SLC10A7: variants seen among roughly 807,000 people sequenced by gnomAD.
SLC10A7 encodes the protein sodium/bile acid cotransporter 7.
Under a neutral mutation model 43.2 loss-of-function variants are expected in SLC10A7, and 29 were observed. The observed-to-expected ratio is 0.67, with a 90% CI of 0.50 to 0.92. The LOEUF (loss-of-function observed/expected upper bound fraction) is 0.92. Ranked by LOEUF, SLC10A7 falls within the 40% of genes least tolerant of loss-of-function variation. The probability of loss-of-function intolerance (pLI) is 0.00; values close to 1 mark genes in which losing one functional copy is unlikely to be tolerated. For missense variants in SLC10A7, 295 were observed against 403.2 expected (o/e 0.73, Z 2.30); for synonymous variants, 152 against 144.8 (o/e 1.05, Z -0.35).
chr4:146,446,642 T>C (rs1484612608), intron 4 of SLC10A7, among the ~76,000 whole-genome samples: 1 of 150,900 alleles, frequency 6.6e-6, no homozygotes, highest in Non-Finnish European at 1.5e-5. Context: ...TCATCTAAGA[T>C]AGGAATCTAA....
intron 10 of SLC10A7, among the ~76,000 whole-genome samples, chr4:146,262,682 C>A (rs1728303957): frequency 6.6e-6 from 1 of 152,178 alleles, no homozygotes; most frequent in Non-Finnish European, 1.5e-5. Flanking sequence ...GTGATTTGAC[C>A]TAACCCTGCA....
intron 5 of SLC10A7, among the ~76,000 whole-genome samples, chr4:146,378,980 G>C (rs1224894520): frequency 6.6e-6 from 1 of 151,950 alleles, no homozygotes; most frequent in Non-Finnish European, 1.5e-5. Flanking sequence ...CCCTTTCCAG[G>C]CCCACAAACA....
At chr4:146,331,400 T>C (rs1733524150) in intron 5 of SLC10A7, among the ~76,000 whole-genome samples, 1 of 152,234 alleles carries the variant, frequency 6.6e-6, no homozygotes, top group African/African-American at 2.4e-5. Flanking sequence ...TGTTCAGTAG[T>C]GATGGAAATG....
chr4:146,431,098 ATG>A (rs1291672049), intron 5 of SLC10A7, among the ~76,000 whole-genome samples: 1 of 152,170 alleles, frequency 6.6e-6, no homozygotes, highest in Non-Finnish European at 1.5e-5. Context: ...TTATTCTTTT[ATG>A]TCCATCCCCA....
intron 5 of SLC10A7, among the ~76,000 whole-genome samples, chr4:146,415,837 T>C (rs1017238654): frequency 1.3e-5 from 2 of 152,202 alleles, no homozygotes; most frequent in Non-Finnish European, 2.9e-5. Flanking sequence ...TTTGATCAAC[T>C]TTAATCCTAT....
chr4:146,286,420 T>TTGCAGTGGTGAGAAGGACTC (rs1729949929), intron 9 of SLC10A7, among the ~76,000 whole-genome samples: 1 of 132,980 alleles, frequency 7.5e-6, no homozygotes, highest in African/African-American at 2.8e-5. Flanking sequence ...AGGACTGTGT[T>TTGCAGTGGTGAGAAGGACTC]TGGAGTGGTG....
intron 5 of SLC10A7, among the ~76,000 whole-genome samples, chr4:146,371,192 G>A (rs1312753281): frequency 6.6e-6 from 1 of 152,192 alleles, no homozygotes; most frequent in Non-Finnish European, 1.5e-5. Context: ...TTGGGAGCTA[G>A]ATAGATTAGG....
intron 5 of SLC10A7, among the ~76,000 whole-genome samples, chr4:146,339,625 G>A (rs1029385774): frequency 6.6e-6 from 1 of 151,902 alleles, no homozygotes; most frequent in African/African-American, 2.4e-5. Flanking sequence ...ATCTGGGTAT[G>A]CAGTTGCTTC....
At chr4:146,466,024 A>ATAATCTT (rs1732994531) in intron 4 of SLC10A7, among the ~76,000 whole-genome samples, 2 of 152,274 alleles carry the variant, frequency 1.3e-5, no homozygotes, top group South Asian at 4.1e-4. Context: ...TTAAAGTTGA[A>ATAATCTT]AGAAGTTTAT....
At chr4:146,360,928 G>A (rs1464576512) in intron 5 of SLC10A7, among the ~76,000 whole-genome samples, 3 of 152,080 alleles carry the variant, frequency 2.0e-5, no homozygotes, top group African/African-American at 7.2e-5. Context: ...TCACCTATAA[G>A]TTCAATGAAC....
chr4:146,356,069 C>T (rs1416446052), intron 5 of SLC10A7, among the ~76,000 whole-genome samples: 1 of 138,662 alleles, frequency 7.2e-6, no homozygotes, highest in African/African-American at 2.6e-5. Flanking sequence ...TATATATATA[C>T]ATATATATAG....
chr4:146,427,208 G>A (rs116413425), intron 5 of SLC10A7, among the ~76,000 whole-genome samples: 2,639 of 152,164 alleles, frequency 0.017, 65 homozygotes, highest in African/African-American at 0.061. Context: ...GGTGTTGCAC[G>A]CCTGTGGTTC....
chr4:146,423,480 T>C (rs1729101770), intron 5 of SLC10A7, among the ~76,000 whole-genome samples: 1 of 152,206 alleles, frequency 6.6e-6, no homozygotes, highest in African/African-American at 2.4e-5. Flanking sequence ...AACTTTGGAT[T>C]TGTCAAATGT....
At chr4:146,491,663 A>G (rs1237893960) in intron 4 of SLC10A7, among the ~76,000 whole-genome samples, 2 of 132,106 alleles carry the variant, frequency 1.5e-5, no homozygotes, top group Non-Finnish European at 3.2e-5. Context: ...AAGGAGGGAG[A>G]GAGGGAGGGA....
rs1023761322 is a variant in SLC10A7, at chr4:146,458,361, C to T, written c.397-15540G>A. ...AAAAAACCAAACAGCTGACATCATA[C>T]CTAACTGTAAAAGACTGAGTGTTCC... On this transcript the variant is annotated intron_variant, in intron 4 of 11. Transcript: ENST00000335472. Among the ~76,000 whole-genome samples the T allele has an allele frequency of 2.6e-5, 4 of 151,632 alleles. No homozygotes were observed. The East Asian group carries it at 5.8e-4, about 22-fold the overall frequency.
intron 5 of SLC10A7, among the ~76,000 whole-genome samples, chr4:146,366,647 A>C (rs1736411392): frequency 2.6e-5 from 4 of 152,342 alleles, no homozygotes; most frequent in Middle Eastern, 6.8e-3. Flanking sequence ...TAAAGTTGTT[A>C]AAAGTGATGG....
chr4:146,266,372 C>T (rs1187223369), intron 10 of SLC10A7, among the ~76,000 whole-genome samples: 1 of 151,962 alleles, frequency 6.6e-6, no homozygotes, highest in East Asian at 1.9e-4. Context: ...TCAGACATCA[C>T]CAAATGCCAA....
intron 5 of SLC10A7, among the ~76,000 whole-genome samples, chr4:146,440,766 CAACTTTA>C (rs1364046430): frequency 6.6e-6 from 1 of 152,086 alleles, no homozygotes; most frequent in East Asian, 1.9e-4. Context: ...TGGTAATTTT[CAACTTTA>C]TGTAAGAAAA....
chr4:146,280,432 T>C (rs1375645507), intron 10 of SLC10A7, among the ~76,000 whole-genome samples: 4 of 152,194 alleles, frequency 2.6e-5, no homozygotes, highest in African/African-American at 4.8e-5. Context: ...TTGGAGGCTG[T>C]GTGTGTATGG....
Sources: allele counts gnomAD v4.1 joint callset (sites outside exome capture counted in the v4.1 genomes callset), GRCh38; gene constraint gnomAD v4.1.1; transcripts MANE v1.5; gene names NCBI Gene and HGNC (gene_info 2026-07-23, HGNC 2026-07-21).